The following PTPN4 variants were observed in gnomAD, a reference collection of about 807,000 sequenced individuals.
The protein encoded by PTPN4 is protein tyrosine phosphatase non-receptor type 4, also known as tyrosine-protein phosphatase non-receptor type 4.
Under a neutral mutation model 135.5 loss-of-function variants are expected in PTPN4, and 49 were observed. The ratio of observed to expected loss-of-function variants is 0.36; its 90% CI spans 0.29 to 0.46. The LOEUF is 0.46. PTPN4 is among the 20% of genes least tolerant of loss of function. The pLI is 1.00. For synonymous variants in PTPN4, 333 were observed against 369.9 expected (o/e 0.90, Z 1.14); for missense variants, 860 against 1,101.0 (o/e 0.78, Z 3.10).
rs932421703 is a variant in PTPN4, at chr2:119,980,611, A to G, written c.*3541A>G. ...ATTATAACCTATGTGAATATCATAA[A>G]TTCTTGTGAATTTTTGTCTATTTCC... On this transcript the variant is annotated 3_prime_UTR_variant, in exon 27 of 27. Transcript: ENST00000263708. 2.6e-5 allele frequency: 4 copies of G among 152,020 alleles called. No individual in the cohort carries two copies. In the East Asian group the frequency reaches 7.7e-4, roughly 29 times the overall value. 9.4% of individuals were successfully genotyped at this position (152,020 alleles called of 1,614,324 possible).
At position 119,960,926 on chromosome 2, in the gene PTPN4, G is replaced by A; in HGVS notation, c.2253G>A (p.Met751Ile). The A allele has an allele frequency of 6.2e-7, 1 of 1,613,174 alleles. No homozygotes were observed. The change falls in exon 23 of 27, where the codon ATG becomes ATA. Residue 751 changes from methionine to isoleucine, a missense_variant. By Grantham distance (10) the Met-to-Ile change is conservative. Transcript: ENST00000263708. Reference protein sequence around the residue: ...TWEQGSSMVVMLTTQVERGRV... With the variant: ...TWEQGSSMVVILTTQVERGRV... ...AACAAGGCTCCTCTATGGTTGTAATGTTGACCACACAAGTTGAACGTGGCA... is the reference window on the plus strand; with the variant it reads ...AACAAGGCTCCTCTATGGTTGTAATATTGACCACACAAGTTGAACGTGGCA...
intron 2 of PTPN4, 72 bp from the exon 3 acceptor site, chr2:119,862,464 A>G: frequency 7.1e-7 from 1 of 1,400,832 alleles, no homozygotes; most frequent in Non-Finnish European, 9.9e-7. Flanking sequence ...GACAAAAGTC[A>G]ACCAGGTTAA....
Position 119,964,239 on chromosome 2 carries a change from G to A in PTPN4, c.2410-1258G>A, listed in dbSNP as rs1300658055. On this transcript the variant is annotated intron_variant, in intron 24 of 26. Coordinates refer to ENST00000263708, the MANE Select transcript of PTPN4 (RefSeq NM_002830.4). ...CTCTCATGGAGTCTTTTTAGCATAA[G>A]ACTGATCCTTTAAAGTATAGATGTT... is the stretch of plus-strand genomic sequence containing the variant. Among the ~76,000 whole-genome samples, 8 of 152,282 alleles carry A rather than the reference G, an allele frequency of 5.3e-5. No individual in the cohort carries two copies. In the South Asian group the frequency reaches 8.3e-4, roughly 16 times the overall value.
At chr2:119,833,453 C>T (rs1677247977) in intron 2 of PTPN4, among the ~76,000 whole-genome samples, 1 of 151,930 alleles carries the variant, frequency 6.6e-6, no homozygotes, top group Non-Finnish European at 1.5e-5. Context: ...CCTTTTGTAT[C>T]TTTAATACTT....
At chr2:119,843,150 TAAAC>T (rs1677407046) in intron 2 of PTPN4, among the ~76,000 whole-genome samples, 1 of 150,944 alleles carries the variant, frequency 6.6e-6, no homozygotes, top group African/African-American at 2.4e-5. Flanking sequence ...TTTAAACAAA[TAAAC>T]TAAATATGGT....
In PTPN4 at chr2:119,969,187, A is replaced by AT. The variant is rs58402223; in HGVS notation, c.2694+1221dup. 5.3e-3 allele frequency among the ~76,000 whole-genome samples: 800 copies of AT among 151,700 alleles called. 4 individuals are homozygous for AT. Among genetic ancestry groups the AT allele is most frequent in the African/African-American group, 0.018 (756 of 41,362 alleles). On this transcript the variant is annotated intron_variant, in intron 26 of 26. Coordinates refer to ENST00000263708, the MANE Select transcript of PTPN4 (RefSeq NM_002830.4). Reference sequence around the variant, plus strand: ...CCACCACATTGGGCTAATTTTTTTTATTTTTTGTAGAGAGGGGATCTCACT... The same window carrying AT: ...CCACCACATTGGGCTAATTTTTTTTATTTTTTTGTAGAGAGGGGATCTCACT...
chr2:119,944,275 A>C (rs1160821399), intron 15 of PTPN4, among the ~76,000 whole-genome samples: 1 of 152,166 alleles, frequency 6.6e-6, no homozygotes, highest in Admixed American at 6.5e-5. Context: ...CCGCTTACCT[A>C]TTTAATCTTT....
At chr2:119,921,812 A>G (rs1159679017) in intron 12 of PTPN4, among the ~76,000 whole-genome samples, 1 of 152,202 alleles carries the variant, frequency 6.6e-6, no homozygotes, top group Non-Finnish European at 1.5e-5. Context: ...TTTATGTGAA[A>G]TGAGAACAGT....
intron 2 of PTPN4, among the ~76,000 whole-genome samples, chr2:119,858,291 A>C (rs1677711038): frequency 6.6e-6 from 1 of 152,186 alleles, no homozygotes; most frequent in East Asian, 1.9e-4. Context: ...AATTCATTCT[A>C]ATTTGAATTG....
chr2:119,827,022 T>C (rs1677156162), intron 2 of PTPN4, among the ~76,000 whole-genome samples: 1 of 152,178 alleles, frequency 6.6e-6, no homozygotes, highest in South Asian at 2.1e-4. Context: ...AGTGAGACCC[T>C]ATCTCTAAAA....
intron 11 of PTPN4, chr2:119,916,024 C>G (rs1182171275): frequency 6.7e-6 from 1 of 149,042 alleles, no homozygotes; most frequent in Non-Finnish European, 1.5e-5. Flanking sequence ...GACACTGTCT[C>G]TACAAAAAAA....
At chr2:119,829,111 G>T (rs1415906006) in intron 2 of PTPN4, among the ~76,000 whole-genome samples, 7 of 152,086 alleles carry the variant, frequency 4.6e-5, no homozygotes, top group African/African-American at 1.7e-4. Flanking sequence ...CACTCTTTCT[G>T]TGGTTTGTCA....
In PTPN4 at chr2:119,831,535, A is replaced by G. The variant is rs56231101; in HGVS notation, c.138+21544A>G. On this transcript the variant is annotated intron_variant, in intron 2 of 26. Transcript: ENST00000263708. ...GTGAGTTCTCCAACATTCTTTTTAA[A>G]TATTATTTTGGTGCATACACATTTA... 6.4e-3 allele frequency among the ~76,000 whole-genome samples: 968 copies of G among 152,204 alleles called. 12 individuals carry two copies. The highest frequency in any genetic ancestry group is 7.5e-3 in the Non-Finnish European group (509 of 68,016).
At chr2:119,785,147 C>T (rs1691024512) in intron 1 of PTPN4, among the ~76,000 whole-genome samples, 1 of 152,152 alleles carries the variant, frequency 6.6e-6, no homozygotes, top group Non-Finnish European at 1.5e-5. Flanking sequence ...CTTTACCCTT[C>T]AATTGTGAGA....
chr2:119,861,505 G>A (rs1390756208), intron 2 of PTPN4, among the ~76,000 whole-genome samples: 1 of 152,150 alleles, frequency 6.6e-6, no homozygotes, highest in Non-Finnish European at 1.5e-5. Context: ...TCCAGTATTA[G>A]CTTTTGTTTG....
chr2:119,900,658 A>G (rs895117989), intron 9 of PTPN4, 60 bp from the exon 10 acceptor site: 34 of 1,048,508 alleles, frequency 3.2e-5, no homozygotes, highest in South Asian at 2.4e-4. Flanking sequence ...TTTTTAAAAT[A>G]TATCTCTAAC....
At chr2:119,818,408 C>T (rs1191681456) in intron 2 of PTPN4, among the ~76,000 whole-genome samples, 2 of 152,356 alleles carry the variant, frequency 1.3e-5, no homozygotes, top group East Asian at 3.9e-4. Context: ...ATCCAGCCTT[C>T]TGGCTGTTAT....
At chr2:119,788,812 C>T (rs1351030916) in intron 1 of PTPN4, among the ~76,000 whole-genome samples, 1 of 152,122 alleles carries the variant, frequency 6.6e-6, no homozygotes, top group Non-Finnish European at 1.5e-5. Flanking sequence ...CCATATTTTG[C>T]TTATCTCCTC....
intron 1 of PTPN4, among the ~76,000 whole-genome samples, chr2:119,789,129 G>A (rs181461915): frequency 6.6e-6 from 1 of 150,672 alleles, no homozygotes; most frequent in Admixed American, 6.6e-5. Flanking sequence ...CTAAATAAGT[G>A]TGAGGTGGGT....
Sources: gnomAD v4.1 joint callset for allele counts (sites outside exome capture counted in the v4.1 genomes callset) on GRCh38, gnomAD v4.1.1 for gene constraint, MANE v1.5 for transcripts, NCBI Gene and HGNC (gene_info 2026-07-23, HGNC 2026-07-21) for gene names.